The following PTPRM variants were observed in gnomAD, a reference collection of about 807,000 sequenced individuals.
PTPRM encodes the protein receptor-type tyrosine-protein phosphatase mu.
A neutral mutation model predicts 186.7 loss-of-function variants in PTPRM; 47 were observed. The ratio of observed to expected loss-of-function variants is 0.25; its 90% confidence interval spans 0.20 to 0.32. The LOEUF (loss-of-function observed/expected upper bound fraction) is 0.32, where lower values mean the gene tolerates loss of function less well. Among genes scored for constraint, PTPRM ranks in the 10% least tolerant of loss-of-function variants. PTPRM has a pLI of 1.00. For missense variants in PTPRM, 1,494 were observed against 1,865.0 expected (o/e 0.80, Z 3.66); for synonymous variants, 668 against 674.9 (o/e 0.99, Z 0.16).
intron 32 of PTPRM, among the ~76,000 whole-genome samples, chr18:8,402,326 G>C (rs2095876563): frequency 6.6e-6 from 1 of 152,150 alleles, no homozygotes; most frequent in Non-Finnish European, 1.5e-5. Flanking sequence ...AGGATAAGGT[G>C]GGAGAGGGAG....
At chr18:7,936,559 G>A (rs1165596892) in intron 5 of PTPRM, among the ~76,000 whole-genome samples, 1 of 152,182 alleles carries the variant, frequency 6.6e-6, no homozygotes, top group African/African-American at 2.4e-5. Context: ...AAGGCTGAGG[G>A]GGTGTTGAGG....
chr18:7,591,228 G>C (rs2037117480), intron 1 of PTPRM, among the ~76,000 whole-genome samples: 1 of 152,214 alleles, frequency 6.6e-6, no homozygotes, highest in South Asian at 2.1e-4. Context: ...TCATTTGGCT[G>C]TCTTTTCCTC....
At chr18:7,608,569 G>A (rs768072255) in intron 1 of PTPRM, among the ~76,000 whole-genome samples, 23 of 152,140 alleles carry the variant, frequency 1.5e-4, no homozygotes, top group South Asian at 1.0e-3. Context: ...TTTCAACCCC[G>A]AGAAGTTGAA....
chr18:8,306,597 G>A (rs890222499), intron 20 of PTPRM, among the ~76,000 whole-genome samples: 1 of 152,224 alleles, frequency 6.6e-6, no homozygotes, highest in African/African-American at 2.4e-5. Flanking sequence ...TTCATGGTTA[G>A]TAATTGACCT....
chr18:8,081,922 G>C (rs2090149444), intron 9 of PTPRM, among the ~76,000 whole-genome samples: 1 of 152,132 alleles, frequency 6.6e-6, no homozygotes, highest in South Asian at 2.1e-4. Flanking sequence ...AATTGTCAAA[G>C]GGCTATGACT....
At chr18:7,834,491 T>TACACAGAC (rs2045924379) in intron 2 of PTPRM, among the ~76,000 whole-genome samples, 1 of 84,606 alleles carries the variant, frequency 1.2e-5, no homozygotes, top group Non-Finnish European at 2.3e-5. Context: ...TATACAAGTA[T>TACACAGAC]ACACACACAC....
chr18:8,252,127 C>G (rs1274373354), intron 17 of PTPRM, among the ~76,000 whole-genome samples: 1 of 152,084 alleles, frequency 6.6e-6, no homozygotes, highest in Non-Finnish European at 1.5e-5. Context: ...CTTCTTTGAC[C>G]AAATTTTGAC....
intron 10 of PTPRM, among the ~76,000 whole-genome samples, chr18:8,088,160 C>G (rs1236591070): frequency 6.6e-6 from 1 of 152,130 alleles, no homozygotes; most frequent in Non-Finnish European, 1.5e-5. Context: ...AGCAAAAAGT[C>G]AAACCCAAGC....
chr18:7,921,429 G>A (rs2146735258), intron 4 of PTPRM, among the ~76,000 whole-genome samples: 1 of 149,146 alleles, frequency 6.7e-6, no homozygotes, highest in East Asian at 2.0e-4. Flanking sequence ...CGCCCAGGCT[G>A]GAGTGCAGTG....
intron 23 of PTPRM, among the ~76,000 whole-genome samples, chr18:8,351,077 T>C (rs751043812): frequency 6.6e-6 from 1 of 152,174 alleles, no homozygotes; most frequent in Non-Finnish European, 1.5e-5. Flanking sequence ...GTCTGGGACA[T>C]TGCAGGGACA....
At chr18:8,236,901 T>C (rs1288813497) in intron 14 of PTPRM, among the ~76,000 whole-genome samples, 1 of 152,228 alleles carries the variant, frequency 6.6e-6, no homozygotes, top group East Asian at 1.9e-4. Flanking sequence ...TTGGATATCT[T>C]TTTTTATTAC....
chr18:8,061,494 G>C (rs1239993571), intron 7 of PTPRM, among the ~76,000 whole-genome samples: 16 of 90,710 alleles, frequency 1.8e-4, no homozygotes, highest in Non-Finnish European at 3.0e-4. Flanking sequence ...ATTTCATCCT[G>C]TCATTATGAT....
intron 1 of PTPRM, among the ~76,000 whole-genome samples, chr18:7,684,174 C>T (rs1252664920): frequency 6.6e-6 from 1 of 151,890 alleles, no homozygotes; most frequent in Non-Finnish European, 1.5e-5. Flanking sequence ...GTGGTACATG[C>T]CTGTAGTCCT....
intron 19 of PTPRM, among the ~76,000 whole-genome samples, chr18:8,256,448 C>G (rs1017933586): frequency 6.6e-6 from 1 of 152,146 alleles, no homozygotes; most frequent in East Asian, 1.9e-4. Flanking sequence ...AGAATTATAT[C>G]TGGCATATAG....
At chr18:7,706,166 A>G (rs1204545178) in intron 1 of PTPRM, among the ~76,000 whole-genome samples, 1 of 151,702 alleles carries the variant, frequency 6.6e-6, no homozygotes, top group African/African-American at 2.4e-5. Flanking sequence ...GGTCCAGACC[A>G]TTTGAGAGTG....
intron 19 of PTPRM, among the ~76,000 whole-genome samples, chr18:8,278,827 T>G (rs972302389): frequency 2.0e-5 from 3 of 152,208 alleles, no homozygotes; most frequent in African/African-American, 4.8e-5. Flanking sequence ...AAATGTTTAC[T>G]TGTTGTCTTG....
intron 2 of PTPRM, among the ~76,000 whole-genome samples, chr18:7,838,488 G>T (rs1419470337): frequency 2.0e-5 from 3 of 152,216 alleles, no homozygotes. Context: ...AGAGACTCTT[G>T]TTCTCTTCCC....
At chr18:7,591,456 C>T (rs1387387162) in intron 1 of PTPRM, among the ~76,000 whole-genome samples, 1 of 151,978 alleles carries the variant, frequency 6.6e-6, no homozygotes, top group Non-Finnish European at 1.5e-5. Context: ...CCCCTACTCC[C>T]CAAAATAAAA....
intron 19 of PTPRM, among the ~76,000 whole-genome samples, chr18:8,274,403 C>T (rs1427341454): frequency 6.6e-6 from 1 of 152,184 alleles, no homozygotes; most frequent in Non-Finnish European, 1.5e-5. Context: ...CAATATTTGA[C>T]ATCAGTGTTC....
Sources: gnomAD v4.1 joint callset for allele counts (sites outside exome capture counted in the v4.1 genomes callset) on GRCh38, gnomAD v4.1.1 for gene constraint, MANE v1.5 for transcripts, NCBI Gene and HGNC (gene_info 2026-07-23, HGNC 2026-07-21) for gene names.